Variants in NPVF observed in about 807,000 individuals in gnomAD.
NPVF encodes neuropeptide VF precursor, also known as pro-FMRFamide-related neuropeptide VF.
A neutral mutation model predicts 15.7 loss-of-function variants in NPVF; 17 were observed. That is an observed-to-expected ratio of 1.08 (90% CI 0.74 to 1.62). The LOEUF is 1.62. NPVF is among the 40% of genes most tolerant of loss of function. NPVF has a pLI of 0.00. For missense variants in NPVF, 270 were observed against 225.2 expected (o/e 1.20, Z -1.27); for synonymous variants, 70 against 80.1 (o/e 0.87, Z 0.67).
chr7:25,228,185 T>TTCAGCCTTCCTCTGACAATGTATAAATG, intron 1 of NPVF, 117 bp downstream of exon 1: 1 of 743,824 alleles, frequency 1.3e-6, no homozygotes, highest in Non-Finnish European at 2.3e-6. Flanking sequence ...AGGCTGAAAT[T>TTCAGCCTTCCTCTGACAATGTATAAATG]TCACAAAAAA....
rs1450892479 is a variant in NPVF, at chr7:25,224,988, T to C, written c.*134A>G. ...ACAACTTTCAAGATACTATTATAGCTGTACTGACAAGGAAAAATTGCCGTT... is the reference window on the plus strand; with the variant it reads ...ACAACTTTCAAGATACTATTATAGCCGTACTGACAAGGAAAAATTGCCGTT... On this transcript the variant is annotated 3_prime_UTR_variant, in exon 3 of 3. Transcript: ENST00000222674. 1 of 657,556 alleles carries C rather than the reference T, an allele frequency of 1.5e-6. No individual in the cohort carries two copies. Among genetic ancestry groups the C allele is most frequent in the Admixed American group, 2.9e-5 (1 of 34,440 alleles). 40.7% of individuals were successfully genotyped at this position (657,556 alleles called of 1,614,324 possible). A position where few individuals can be genotyped will look rare whatever the true frequency, so the allele number is the denominator to read the frequency against.
At chr7:25,228,160 T>C (rs1197598110) in intron 1 of NPVF, 142 bp downstream of exon 1, 3 of 631,830 alleles carry the variant, frequency 4.7e-6, no homozygotes, top group Non-Finnish European at 8.3e-6. Context: ...GTGACATTTA[T>C]ACATTGTCAG....
Position 25,226,753 on chromosome 7 carries a change from T to C in NPVF, c.412A>G (p.Lys138Glu). 1 of 1,614,200 alleles carries C rather than the reference T, an allele frequency of 6.2e-7. No homozygotes were observed. The highest frequency in any genetic ancestry group is 2.2e-5 in the East Asian group (1 of 44,888). Residue 138 changes from lysine to glutamate, a missense_variant, in exon 2 of 3, where the codon AAA becomes GAA. Lys to Glu is a moderately conservative substitution (Grantham distance 56). Coordinates refer to ENST00000222674, the MANE Select transcript of NPVF (RefSeq NM_022150.3). ...TCACTCAGCATCCTGCAGACACTTTTGGCTGTTGTTGTTCTCCCAAACCTT... is the reference window on the plus strand; with the variant it reads ...TCACTCAGCATCCTGCAGACACTTTCGGCTGTTGTTGTTCTCCCAAACCTT... Reference protein sequence around the residue: ...PQRFGRTTTAKSVCRMLSDLC... With the variant: ...PQRFGRTTTAESVCRMLSDLC...
chr7:25,227,068 T>C, intron 1 of NPVF, 42 bp from the exon 2 acceptor site: 2 of 1,496,902 alleles, frequency 1.3e-6, no homozygotes, highest in South Asian at 2.6e-5. Context: ...ACTGTTGTTA[T>C]AAGCAACAGA....
In NPVF at chr7:25,228,428, A is replaced by G. The variant is rs186618302; in HGVS notation, c.12T>C (p.Ile4=). Residue 4 remains isoleucine (I), a synonymous_variant, in exon 1 of 3, where the codon ATT becomes ATC. Coordinates refer to ENST00000222674, the MANE Select transcript of NPVF (RefSeq NM_022150.3). The part of the protein sequence containing the change: MEI[I]SSKLFILLTL... ...TCAATAAAATGAATAGTTTTGATGAAATAATTTCCATTTTGTCTAAATCTA... is the reference window on the plus strand; with the variant it reads ...TCAATAAAATGAATAGTTTTGATGAGATAATTTCCATTTTGTCTAAATCTA... 3 of 1,584,972 alleles carry G rather than the reference A, an allele frequency of 1.9e-6. No individual in the cohort carries two copies. The highest frequency in any genetic ancestry group is 3.5e-5 in the Admixed American group (2 of 57,640).
At chr7:25,226,284 C>T (rs1228811743) in intron 2 of NPVF, among the ~76,000 whole-genome samples, 1 of 152,198 alleles carries the variant, frequency 6.6e-6, no homozygotes, top group African/African-American at 2.4e-5. Context: ...ACCTGAACAA[C>T]TCTCTCCCAT....
In NPVF at chr7:25,226,983, T is replaced by C. The variant is rs757869771; in HGVS notation, c.182A>G (p.Glu61Gly). 1.9e-6 allele frequency: 3 copies of C among 1,613,892 alleles called. No homozygotes were observed. In the Admixed American group the frequency reaches 5.0e-5, roughly 27 times the overall value. Residue 61 changes from glutamate to glycine, a missense_variant, in exon 2 of 3, where the codon GAA becomes GGA. Coordinates refer to ENST00000222674, the MANE Select transcript of NPVF (RefSeq NM_022150.3). Reference protein sequence around the residue: ...PKGERSLNFEELKDWGPKNVI... With the variant: ...PKGERSLNFEGLKDWGPKNVI... The stretch of plus-strand genomic sequence containing the variant: ...ATTTTTTGGTCCCCAATCTTTTAAT[T>C]CCTCAAAATTGAGGCTTCTTTCCCC...
intron 1 of NPVF, among the ~76,000 whole-genome samples, chr7:25,227,941 T>C (rs368418067): frequency 1.8e-4 from 27 of 152,202 alleles, no homozygotes; most frequent in African/African-American, 6.5e-4. Context: ...AAGAAATGTG[T>C]TTTTTGTTTG....
rs774214394 is a variant in NPVF at position 25,228,484 on chromosome 7, T to C, written c.-45A>G. On this transcript the variant is annotated 5_prime_UTR_variant, in exon 1 of 3. The change creates a new upstream start codon in the 5' untranslated region. Transcript: ENST00000222674. ...AAGTCTCTATGTGCAGCCCAATGTT[T>C]ATGAGAGGAGAAAAAAATTGTGGTG... is the stretch of plus-strand genomic sequence containing the variant. The C allele has an allele frequency of 4.2e-6, 6 of 1,431,700 alleles. No homozygotes were observed. The highest frequency in any genetic ancestry group is 5.7e-6 in the Non-Finnish European group (6 of 1,051,458). 88.7% of individuals were successfully genotyped at this position (1,431,700 alleles called of 1,614,324 possible).
rs748101853 is a variant in NPVF, at chr7:25,226,825, T to C, written c.340A>G (p.Arg114Gly). 8 of 1,614,224 alleles carry C rather than the reference T, an allele frequency of 5.0e-6. No individual in the cohort carries two copies. The highest frequency in any genetic ancestry group is 6.8e-6 in the Non-Finnish European group (8 of 1,180,026). The change falls in exon 2 of 3, where the codon AGA (arginine) becomes GGA (glycine). Residue 114 changes from arginine to glycine, a missense_variant. Arg to Gly is a moderately radical substitution (Grantham distance 125). Transcript: ENST00000222674. ...ATANLPLRSG[R>G]NMEVSLVRRV... ...CTCACGAGGCTCACCTCCATATTTC[T>C]TCCAGATCTCAGAGGCAGGTTGGCT...
intron 1 of NPVF, among the ~76,000 whole-genome samples, chr7:25,227,882 A>G (rs1335839743): frequency 6.6e-6 from 1 of 152,246 alleles, no homozygotes; most frequent in East Asian, 1.9e-4. Context: ...ACACTTTACT[A>G]AGATATAGAT....
rs877834 is a variant in NPVF at position 25,228,315 on chromosome 7, T to C, written c.125A>G (p.Asp42Gly). The C allele has an allele frequency of 0.18, 269,860 of 1,471,972 alleles. 28,843 individuals carry two copies. The highest frequency in any genetic ancestry group is 0.5 in the East Asian group (21,808 of 43,590). The allele number at this position is 1,471,972 out of a possible 1,614,324, so 91.2% of individuals were successfully genotyped here. Residue 42 changes from aspartate (D) to glycine (G), a missense_variant, in exon 1 of 3, where the codon GAC (aspartate) becomes GGC (glycine). Transcript: ENST00000222674. ...TAAAAAACTTACCTCAGAATATTTG[T>C]CATAATTTTCTTTGCTGTGAAGATT... ...MSNLHSKENY[D>G]KYSEPRGYPK...
intron 2 of NPVF, among the ~76,000 whole-genome samples, 193 bp from the exon 3 acceptor site, chr7:25,225,366 C>T (rs1783111946): frequency 6.6e-6 from 1 of 152,156 alleles, no homozygotes; most frequent in African/African-American, 2.4e-5. Flanking sequence ...ATCATTGATT[C>T]ATCTCTCTCC....
In NPVF at chr7:25,226,608, T is replaced by C. The variant is rs777820428; in HGVS notation, c.539+18A>G. On this transcript the variant is annotated intron_variant, in intron 2 of 2. Transcript: ENST00000222674. ...TATATAACTGCCCATGCACTTTGAC[T>C]GGTTTCCAGGTATTTACCTTGACTG... 6.2e-7 allele frequency: 1 copy of C among 1,608,048 alleles called. No homozygotes were observed. Among genetic ancestry groups the C allele is most frequent in the South Asian group, 1.1e-5 (1 of 90,414 alleles).
chr7:25,226,776 CT>C lies in NPVF; in HGVS notation c.388del (p.Arg130GlyfsTer15). 1 of 1,614,158 alleles carries C rather than the reference CT, an allele frequency of 6.2e-7. No individual in the cohort carries two copies. The highest frequency in any genetic ancestry group is 8.5e-7 in the Non-Finnish European group (1 of 1,180,020). The part of the protein sequence containing the change: ...LVRRVPNLPQ[R>X]FGRTTTAKSV... ...TTTGGCTGTTGTTGTTCTCCCAAAC[CT>C]TTGGGGCAGGTTAGGAACACGTCTC... On this transcript the variant is annotated frameshift_variant, in exon 2 of 3. Transcript: ENST00000222674. LOFTEE classifies it high-confidence loss of function.
intron 1 of NPVF, among the ~76,000 whole-genome samples, chr7:25,228,029 A>G (rs1783152958): frequency 6.6e-6 from 1 of 152,212 alleles, no homozygotes; most frequent in Non-Finnish European, 1.5e-5. Flanking sequence ...ATTTATTACA[A>G]ATATGCACTT....
chr7:25,225,812 A>G (rs567560454), intron 2 of NPVF, among the ~76,000 whole-genome samples: 6 of 152,316 alleles, frequency 3.9e-5, no homozygotes, highest in East Asian at 3.9e-4. Flanking sequence ...TGGTAGACAC[A>G]GTTCTTAGGC....
intron 2 of NPVF, 31 bp downstream of exon 2, chr7:25,226,595 C>A (rs1326165469): frequency 6.2e-7 from 1 of 1,603,090 alleles, no homozygotes; most frequent in African/African-American, 1.3e-5. Context: ...TATAACTGCC[C>A]ATGCACTTTG....
rs1223987892 is a variant in NPVF at position 25,227,006 on chromosome 7, C to A, written c.159G>T (p.Gly53=). The A allele has an allele frequency of 6.2e-7, 1 of 1,612,896 alleles. No individual in the cohort carries two copies. Among genetic ancestry groups the A allele is most frequent in the African/African-American group, 1.3e-5 (1 of 74,766 alleles). ...ATTCCTCAAAATTGAGGCTTCTTTC[C>A]CCTTTTGGGTATCCTCTAGGCTATA... ...KYSEPRGYPK[G]ERSLNFEELK... Residue 53 remains glycine, a synonymous_variant, in exon 2 of 3, where the codon GGG becomes GGT. Coordinates refer to ENST00000222674, the MANE Select transcript of NPVF (RefSeq NM_022150.3).
Sources: allele counts gnomAD v4.1 joint callset (sites outside exome capture counted in the v4.1 genomes callset), GRCh38; gene constraint gnomAD v4.1.1; transcripts MANE v1.5; gene names NCBI Gene and HGNC (gene_info 2026-07-23, HGNC 2026-07-21).